Variants in PRPSAP2 observed in about 807,000 individuals in gnomAD.
The protein encoded by PRPSAP2 is phosphoribosyl pyrophosphate synthetase associated protein 2, also known as phosphoribosyl pyrophosphate synthase-associated protein 2.
PRPSAP2 carries 24 observed loss-of-function variants against 40.6 expected under a neutral mutation model. The observed-to-expected ratio is 0.59, with a 90% CI of 0.43 to 0.83. PRPSAP2 has a LOEUF of 0.83. PRPSAP2 is among the 40% of genes least tolerant of loss of function. PRPSAP2 has a pLI of 0.00. For missense variants in PRPSAP2, 292 were observed against 465.6 expected (o/e 0.63, Z 3.43); for synonymous variants, 149 against 164.7 (o/e 0.90, Z 0.73).
intron 9 of PRPSAP2, among the ~76,000 whole-genome samples, chr17:18,921,595 C>T (rs2041692783): frequency 6.6e-6 from 1 of 152,038 alleles, no homozygotes; most frequent in African/African-American, 2.4e-5. Flanking sequence ...ATATTGTCTC[C>T]TAGAGGTCAT....
chr17:18,906,389 T>C (rs1019937049), intron 8 of PRPSAP2, among the ~76,000 whole-genome samples: 6 of 152,172 alleles, frequency 3.9e-5, no homozygotes, highest in Non-Finnish European at 5.9e-5. Context: ...CTAATTTTTG[T>C]ATTTTTAGTA....
At chr17:18,872,291 G>A (rs57670485) in intron 4 of PRPSAP2, among the ~76,000 whole-genome samples, 16,035 of 148,524 alleles carry the variant, frequency 0.11, 1,392 homozygotes, top group East Asian at 0.46. Flanking sequence ...AAAAAAAAAA[G>A]TTACCATGCT....
intron 5 of PRPSAP2, among the ~76,000 whole-genome samples, chr17:18,873,215 CAG>C (rs1328567253): frequency 1.0e-5 from 1 of 98,282 alleles, no homozygotes; most frequent in Non-Finnish European, 2.0e-5. Flanking sequence ...TTTTTTGAGA[CAG>C]AATTTCACTC....
At chr17:18,925,744 C>T (rs866451606) in intron 10 of PRPSAP2, among the ~76,000 whole-genome samples, 7 of 152,190 alleles carry the variant, frequency 4.6e-5, no homozygotes, top group Non-Finnish European at 8.8e-5. Context: ...ACACCCATTT[C>T]CCAAGTTCCA....
rs772684552 is a variant in PRPSAP2, at chr17:18,911,181, G to A, written c.663G>A (p.Leu221=). 3 of 1,613,952 alleles carry A rather than the reference G, an allele frequency of 1.9e-6. No homozygotes were observed. The South Asian group carries it at 3.3e-5, about 18-fold the overall frequency. ...HGEAQDAESD[L]VDGRHSPPMV... ...AGGCGCAGGATGCCGAGTCGGACTT[G>A]GTGGATGGACGGCATTCCCCACCCA... The change falls in exon 9 of 12, where the codon TTG becomes TTA. Residue 221 remains leucine (L), a synonymous_variant. Transcript: ENST00000268835. This position sits in a 1 kb window ranked among gnomAD's most constrained non-coding sequence, Gnocchi z 4.5.
chr17:18,910,985 T>A, intron 8 of PRPSAP2, 118 bp from the exon 9 acceptor site: 1 of 1,233,158 alleles, frequency 8.1e-7, no homozygotes, highest in Non-Finnish European at 1.1e-6. Context: ...TTCTCTCTTT[T>A]CTTTAGTCCT....
intron 7 of PRPSAP2, among the ~76,000 whole-genome samples, chr17:18,884,862 T>G (rs2151913596): frequency 6.6e-6 from 1 of 152,276 alleles, no homozygotes; most frequent in Non-Finnish European, 1.5e-5. Context: ...TCTTGTTGTT[T>G]TAGGGGATGT....
chr17:18,861,445 CAA>C (rs2037005408), intron 1 of PRPSAP2: 1 of 128,058 alleles, frequency 7.8e-6, no homozygotes, highest in African/African-American at 3.0e-5. Context: ...GCCTGGGCAA[CAA>C]GAGTGAAACT....
At chr17:18,921,819 A>G (rs1450822717) in intron 9 of PRPSAP2, among the ~76,000 whole-genome samples, 1 of 152,194 alleles carries the variant, frequency 6.6e-6, no homozygotes, top group African/African-American at 2.4e-5. Context: ...GCCTTAAAAG[A>G]AAATTGAAGT....
chr17:18,915,448 C>A (rs2041252017), intron 9 of PRPSAP2, among the ~76,000 whole-genome samples: 1 of 152,018 alleles, frequency 6.6e-6, no homozygotes, highest in Non-Finnish European at 1.5e-5. Flanking sequence ...GTTGCTATAA[C>A]AGACTATATA....
At chr17:18,896,469 C>T (rs1363528968) in intron 8 of PRPSAP2, among the ~76,000 whole-genome samples, 1 of 152,038 alleles carries the variant, frequency 6.6e-6, no homozygotes, top group Non-Finnish European at 1.5e-5. Flanking sequence ...TAAGGTCAGC[C>T]AAGGTTCAAG....
intron 8 of PRPSAP2, among the ~76,000 whole-genome samples, chr17:18,909,517 T>G (rs2040826482): frequency 6.6e-6 from 1 of 152,094 alleles, no homozygotes. Flanking sequence ...GTGCTGGGAT[T>G]ACAGGCGTGA....
rs1254647345 is a variant in PRPSAP2, at chr17:18,858,230, T to A, written c.-160T>A. 6.6e-6 allele frequency: 1 copy of A among 152,386 alleles called. No individual in the cohort carries two copies. The highest frequency in any genetic ancestry group is 1.5e-5 in the Non-Finnish European group (1 of 68,114). 9.4% of individuals were successfully genotyped at this position (152,386 alleles called of 1,614,324 possible). ...GCTTTCTTCCTTCTGCAGCTGAGGCTGCGGCGGGGCCGGGGCTGGGGTCGG... is the reference window on the plus strand; with the variant it reads ...GCTTTCTTCCTTCTGCAGCTGAGGCAGCGGCGGGGCCGGGGCTGGGGTCGG... On this transcript the variant is annotated 5_prime_UTR_variant, in exon 1 of 12. Coordinates refer to ENST00000268835, the MANE Select transcript of PRPSAP2 (RefSeq NM_002767.4).
rs138257603 is a variant in PRPSAP2, at chr17:18,877,878, T to C, written c.412+8T>C. ...CCATGATGTGCAAAGCTGGTAAGAATGGCAGATGTTTCACAATTAATTGGG... is the reference window on the plus strand; with the variant it reads ...CCATGATGTGCAAAGCTGGTAAGAACGGCAGATGTTTCACAATTAATTGGG... On this transcript the variant is annotated splice_region_variant and intron_variant, in intron 6 of 11. Transcript: ENST00000268835. The C allele has an allele frequency of 1.0e-4, 159 of 1,578,558 alleles. No individual in the cohort carries two copies. The African/African-American group carries it at 2.0e-3, about 20-fold the overall frequency.
At chr17:18,867,460 G>T in intron 4 of PRPSAP2, 126 bp downstream of exon 4, 1 of 1,152,074 alleles carries the variant, frequency 8.7e-7, no homozygotes, top group South Asian at 1.4e-5. Flanking sequence ...AAGAAGTCAG[G>T]CAGGCAAGGT....
At chr17:18,921,382 G>A (rs1021692398) in intron 9 of PRPSAP2, among the ~76,000 whole-genome samples, 1 of 152,026 alleles carries the variant, frequency 6.6e-6, no homozygotes, top group Non-Finnish European at 1.5e-5. Flanking sequence ...CTTTTTCACC[G>A]GCATTGAGGT....
At chr17:18,921,998 G>T (rs1023534917) in intron 9 of PRPSAP2, among the ~76,000 whole-genome samples, 1 of 152,076 alleles carries the variant, frequency 6.6e-6, no homozygotes, top group Non-Finnish European at 1.5e-5. Context: ...CCATCCCCCA[G>T]CCCCTGGCAA....
At position 18,864,324 on chromosome 17, in the gene PRPSAP2, C is replaced by T. The variant is rs190211032; in HGVS notation, c.-128-1145C>T. Among the ~76,000 whole-genome samples, 592 of 151,340 alleles carry T rather than the reference C, an allele frequency of 3.9e-3. 2 individuals carry two copies. Among genetic ancestry groups the T allele is most frequent in the Middle Eastern group, 0.01 (3 of 292 alleles). On this transcript the variant is annotated intron_variant, in intron 1 of 11. Transcript: ENST00000268835. Reference sequence around the variant, plus strand: ...TTTTTTTTTTTCTGAGACGGAGTCTCGCTCTGTTGCCCAGGCTGGAGTACA... The same window carrying T: ...TTTTTTTTTTTCTGAGACGGAGTCTTGCTCTGTTGCCCAGGCTGGAGTACA...
chr17:18,920,554 C>A (rs1017211033), intron 9 of PRPSAP2, among the ~76,000 whole-genome samples: 6 of 152,016 alleles, frequency 3.9e-5, no homozygotes, highest in African/African-American at 1.5e-4. Flanking sequence ...TGATTGGACA[C>A]CCTACATAGA....
Sources: gnomAD v4.1 joint callset for allele counts (sites outside exome capture counted in the v4.1 genomes callset) on GRCh38, gnomAD v4.1.1 for gene constraint, Gnocchi (gnomAD v3.1) non-coding constraint, MANE v1.5 for transcripts, NCBI Gene and HGNC (gene_info 2026-07-23, HGNC 2026-07-21) for gene names.